Variants in KATNIP observed in about 807,000 individuals in gnomAD.
The protein encoded by KATNIP is katanin interacting protein.
Under a neutral mutation model 174.0 loss-of-function variants are expected in KATNIP, and 126 were observed. That is an observed-to-expected ratio of 0.72 (90% CI 0.63 to 0.84). The LOEUF is 0.84. KATNIP is among the 40% of genes least tolerant of loss of function. The pLI is 0.00. For synonymous variants in KATNIP, 810 were observed against 835.7 expected (o/e 0.97, Z 0.53); for missense variants, 1,958 against 2,109.7 (o/e 0.93, Z 1.41).
chr16:27,622,448 G>A (rs563553171), intron 3 of KATNIP, among the ~76,000 whole-genome samples: 37 of 152,228 alleles, frequency 2.4e-4, no homozygotes, highest in Non-Finnish European at 4.3e-4. Flanking sequence ...AATCATGCCC[G>A]ACAAGATTCA....
At position 27,777,224 on chromosome 16, in the gene KATNIP, C is replaced by T. The variant is rs1039187730; in HGVS notation, c.4551+195C>T. 2.6e-5 allele frequency among the ~76,000 whole-genome samples: 4 copies of T among 152,286 alleles called. No individual in the cohort carries two copies. The highest frequency in any genetic ancestry group is 3.4e-3 in the Middle Eastern group (1 of 294). On this transcript the variant is annotated intron_variant, in intron 25 of 27. Coordinates refer to ENST00000261588, the MANE Select transcript of KATNIP (RefSeq NM_015202.5). This position sits in a 1 kb window ranked among gnomAD's most constrained non-coding sequence, Gnocchi z 4.4. ...CCTGCTGGCAGTGATTTCAGTGTCACCCTGAGCAAATAGAAAGTGGGTTTT... is the reference window on the plus strand; with the variant it reads ...CCTGCTGGCAGTGATTTCAGTGTCATCCTGAGCAAATAGAAAGTGGGTTTT...
rs1380897467 is a variant in KATNIP, at chr16:27,779,543, A to C, written c.*914A>C. On this transcript the variant is annotated 3_prime_UTR_variant, in exon 28 of 28. Transcript: ENST00000261588. ...GCAGGCCCTCCCTGCACTCTCTGCC[A>C]CATGTCCCTCCTGGTCTGATCACGG... is the stretch of plus-strand genomic sequence containing the variant. The C allele has an allele frequency of 6.6e-6, 1 of 152,370 alleles. No individual in the cohort carries two copies. The highest frequency in any genetic ancestry group is 2.4e-5 in the African/African-American group (1 of 41,422). 9.4% of individuals were successfully genotyped at this position (152,370 alleles called of 1,614,324 possible).
At chr16:27,620,589 TA>T (rs2076165626) in intron 3 of KATNIP, among the ~76,000 whole-genome samples, 1 of 152,140 alleles carries the variant, frequency 6.6e-6, no homozygotes, top group Admixed American at 6.5e-5. Context: ...GGCCCTATGT[TA>T]AGTGAGGAGG....
rs778108722 is a variant in KATNIP at position 27,648,598 on chromosome 16, G to C, written c.409-6G>C. 2.9e-5 allele frequency: 47 copies of C among 1,613,896 alleles called. 2 individuals carry two copies. In the South Asian group the frequency reaches 4.0e-4, roughly 14 times the overall value. Reference sequence around the variant, plus strand: ...CTTATCTGAAATGGCCTGCATTTTTGTACAGAAATCTGTGCAGATCAGAAC... The same window carrying C: ...CTTATCTGAAATGGCCTGCATTTTTCTACAGAAATCTGTGCAGATCAGAAC... On this transcript the variant is annotated splice_polypyrimidine_tract_variant and splice_region_variant and intron_variant, in intron 5 of 27. Coordinates refer to ENST00000261588, the MANE Select transcript of KATNIP (RefSeq NM_015202.5).
At chr16:27,721,810 C>T in intron 14 of KATNIP, 115 bp downstream of exon 14, 2 of 1,159,526 alleles carry the variant, frequency 1.7e-6, no homozygotes, top group Non-Finnish European at 2.4e-6. Flanking sequence ...CCCTGCTGGC[C>T]TCGTGTGTGC....
In KATNIP at chr16:27,771,646, T is replaced by C. The variant is rs764752835; in HGVS notation, c.4192T>C (p.Cys1398Arg). Residue 1398 changes from cysteine (C) to arginine (R), a missense_variant, in exon 22 of 28, where the codon TGT becomes CGT. Cys to Arg is a radical substitution (Grantham distance 180). Coordinates refer to ENST00000261588, the MANE Select transcript of KATNIP (RefSeq NM_015202.5). ...GGACTACGAGGCACCGCTGATGCCC[T>C]GTGGCTGTATCCTTCTCCTCCCGCC... Reference protein sequence around the residue: ...SMDYEAPLMPCGFIFQFQLLT... With the variant: ...SMDYEAPLMPRGFIFQFQLLT... 1 of 1,613,398 alleles carries C rather than the reference T, an allele frequency of 6.2e-7. No homozygotes were observed. The highest frequency in any genetic ancestry group is 8.5e-7 in the Non-Finnish European group (1 of 1,179,644).
chr16:27,767,728 A>G (rs1382828561), intron 20 of KATNIP, among the ~76,000 whole-genome samples: 1 of 152,130 alleles, frequency 6.6e-6, no homozygotes. Context: ...GAAAAATGAA[A>G]AAAAGAATTG....
chr16:27,731,233 A>G (rs1388890619), intron 14 of KATNIP, among the ~76,000 whole-genome samples: 1 of 152,166 alleles, frequency 6.6e-6, no homozygotes, highest in Non-Finnish European at 1.5e-5. Context: ...TGACCTCAGT[A>G]TGCATGGGGC....
intron 13 of KATNIP, among the ~76,000 whole-genome samples, chr16:27,710,775 G>A (rs1317638465): frequency 6.6e-6 from 1 of 152,060 alleles, no homozygotes; most frequent in Non-Finnish European, 1.5e-5. Flanking sequence ...CTGGAATTAC[G>A]GGCATAAGCC....
intron 11 of KATNIP, among the ~76,000 whole-genome samples, chr16:27,703,134 TCCAGCCTGG>T (rs2079160931): frequency 6.7e-6 from 1 of 150,320 alleles, no homozygotes; most frequent in African/African-American, 2.5e-5. Flanking sequence ...GCCATTGCAC[TCCAGCCTGG>T]GCAACAAGAG....
chr16:27,743,484 C>G (rs2081181562), intron 15 of KATNIP, among the ~76,000 whole-genome samples: 1 of 152,124 alleles, frequency 6.6e-6, no homozygotes, highest in Non-Finnish European at 1.5e-5. Flanking sequence ...AGACTTAACA[C>G]TGAGGCTCAG....
intron 2 of KATNIP, among the ~76,000 whole-genome samples, chr16:27,579,741 C>CA (rs925621562): frequency 6.6e-6 from 1 of 151,906 alleles, no homozygotes; most frequent in Non-Finnish European, 1.5e-5. Flanking sequence ...TTGGAGATTC[C>CA]AAAAAATGCT....
intron 1 of KATNIP, among the ~76,000 whole-genome samples, chr16:27,555,241 GTC>G (rs1305036259): frequency 6.6e-6 from 1 of 152,194 alleles, no homozygotes; most frequent in African/African-American, 2.4e-5. Flanking sequence ...AAGCTTAAAT[GTC>G]TAGCAGATGC....
At chr16:27,600,283 G>A (rs141322350) in intron 2 of KATNIP, among the ~76,000 whole-genome samples, 2 of 152,298 alleles carry the variant, frequency 1.3e-5, no homozygotes, top group Non-Finnish European at 2.9e-5. Flanking sequence ...ATTTGCTGTC[G>A]CCTTTAAATT....
At chr16:27,607,161 G>A (rs1250955896) in intron 2 of KATNIP, among the ~76,000 whole-genome samples, 1 of 152,136 alleles carries the variant, frequency 6.6e-6, no homozygotes, top group Non-Finnish European at 1.5e-5. Flanking sequence ...TGTTGGGAGT[G>A]TTATTTCCAC....
At chr16:27,671,433 C>T (rs2077898659) in intron 6 of KATNIP, among the ~76,000 whole-genome samples, 1 of 152,176 alleles carries the variant, frequency 6.6e-6, no homozygotes, top group African/African-American at 2.4e-5. Flanking sequence ...TGAACACCCG[C>T]TCTATTAGAT....
chr16:27,693,908 T>C (rs997914306), intron 8 of KATNIP, among the ~76,000 whole-genome samples: 1 of 152,108 alleles, frequency 6.6e-6, no homozygotes, highest in Admixed American at 6.5e-5. Context: ...GTAGCTTTTC[T>C]TGGGGGAAAA....
chr16:27,743,439 C>G (rs1411076241), intron 15 of KATNIP, among the ~76,000 whole-genome samples: 1 of 152,134 alleles, frequency 6.6e-6, no homozygotes, highest in Non-Finnish European at 1.5e-5. Context: ...CTCTGATTCC[C>G]CAGCCTTACA....
At chr16:27,691,658 A>T (rs1444596674) in intron 8 of KATNIP, among the ~76,000 whole-genome samples, 2 of 152,228 alleles carry the variant, frequency 1.3e-5, no homozygotes, top group Non-Finnish European at 2.9e-5. Context: ...GGATGGGAAA[A>T]GCTCTGGTAG....
Sources: gnomAD v4.1 joint callset for allele counts (sites outside exome capture counted in the v4.1 genomes callset) on GRCh38, gnomAD v4.1.1 for gene constraint, Gnocchi (gnomAD v3.1) non-coding constraint, MANE v1.5 for transcripts, NCBI Gene and HGNC (gene_info 2026-07-23, HGNC 2026-07-21) for gene names.